USH2A: variants seen among roughly 807,000 people sequenced by gnomAD.
USH2A encodes usherin, also known as Usher syndrome 2A (autosomal recessive, mild).
A neutral mutation model predicts 538.9 loss-of-function variants in USH2A; 443 were observed. The ratio of observed to expected loss-of-function variants is 0.82; its 90% CI spans 0.76 to 0.89. The LOEUF (loss-of-function observed/expected upper bound fraction) is 0.89, where lower values mean the gene tolerates loss of function less well. Ranked by LOEUF, USH2A falls within the 40% of genes least tolerant of loss-of-function variation. USH2A has a pLI of 0.00. For missense variants in USH2A, 6,633 were observed against 6,324.8 expected (o/e 1.05, Z -1.65); for synonymous variants, 2,413 against 2,273.5 (o/e 1.06, Z -1.75).
rs41277214 is a variant in USH2A at position 216,048,708 on chromosome 1, T to C, written c.6050-61A>G. 1,652 of 1,335,646 alleles carry C rather than the reference T, an allele frequency of 1.2e-3. 2 individuals are homozygous for C. Among genetic ancestry groups the C allele is most frequent in the Non-Finnish European group, 1.5e-3 (1,409 of 925,852 alleles). 82.7% of individuals were successfully genotyped at this position (1,335,646 alleles called of 1,614,324 possible). On this transcript the variant is annotated intron_variant, in intron 30 of 71. Transcript: ENST00000307340. Reference sequence around the variant, plus strand: ...TACCATAAGCATCAATAAAGAGCATTGTGTGTATATCTGTGTGTGTGTCTA... The same window carrying C: ...TACCATAAGCATCAATAAAGAGCATCGTGTGTATATCTGTGTGTGTGTCTA...
At chr1:216,296,231 C>T (rs2037102080) in intron 9 of USH2A, among the ~76,000 whole-genome samples, 2 of 152,132 alleles carry the variant, frequency 1.3e-5, no homozygotes, top group East Asian at 1.9e-4. Flanking sequence ...AAAAATAATT[C>T]ACCCTTTTGG....
intron 9 of USH2A, among the ~76,000 whole-genome samples, chr1:216,317,194 C>T (rs1472758773): frequency 1.3e-5 from 2 of 152,080 alleles, no homozygotes; most frequent in Non-Finnish European, 2.9e-5. Flanking sequence ...TACCATTTGA[C>T]CCAGCAATCC....
Position 215,993,097 on chromosome 1 carries a change from C to G in USH2A, c.6728G>C (p.Gly2243Ala), listed in dbSNP as rs201526850. The change falls in exon 35 of 72, where the codon GGC (glycine) becomes GCC (alanine). Residue 2243 changes from glycine (G) to alanine (A), a missense_variant. By Grantham distance (60) the Gly-to-Ala change is moderately conservative. Coordinates refer to ENST00000307340, the MANE Select transcript of USH2A (RefSeq NM_206933.4). The stretch of plus-strand genomic sequence containing the variant: ...TGAGTGGGCTTTGGGGGCTGGCACG[C>G]CTTCGGGTATGTCCTCGTCAGTTAG... ...EALTDEDIPE[G>A]VPAPKAHSYS... 1 of 1,613,910 alleles carries G rather than the reference C, an allele frequency of 6.2e-7. No homozygotes were observed.
chr1:216,139,410 C>T (rs920847742), intron 21 of USH2A, among the ~76,000 whole-genome samples: 50 of 147,904 alleles, frequency 3.4e-4, no homozygotes, highest in African/African-American at 1.2e-3. Context: ...TTCTTCCCCT[C>T]TACAGAAAAA....
At chr1:216,239,693 T>C (rs2035896486) in intron 13 of USH2A, among the ~76,000 whole-genome samples, 1 of 152,076 alleles carries the variant, frequency 6.6e-6, no homozygotes, top group South Asian at 2.1e-4. Context: ...GGCTGTCTGT[T>C]GAGAAGTGAT....
chr1:216,009,852 A>G (rs1248563491), intron 32 of USH2A, among the ~76,000 whole-genome samples: 1 of 152,052 alleles, frequency 6.6e-6, no homozygotes, highest in Non-Finnish European at 1.5e-5. Flanking sequence ...AAAGGTGGCT[A>G]GAGCTAAAGG....
chr1:215,670,944 C>T (rs754194550), intron 64 of USH2A, 28 bp downstream of exon 64: 4 of 1,611,726 alleles, frequency 2.5e-6, no homozygotes, highest in South Asian at 1.1e-5. Flanking sequence ...ACAATCAGCT[C>T]GAATTGTTTA....
At chr1:215,848,912 C>T (rs184153222) in intron 44 of USH2A, among the ~76,000 whole-genome samples, 67 of 152,246 alleles carry the variant, frequency 4.4e-4, no homozygotes, top group Non-Finnish European at 4.4e-5. Context: ...ATGTACTCTT[C>T]CTAAGTCAGT....
intron 17 of USH2A, among the ~76,000 whole-genome samples, 191 bp downstream of exon 17, chr1:216,199,436 A>G (rs2034930015): frequency 6.6e-6 from 1 of 152,226 alleles, no homozygotes; most frequent in Non-Finnish European, 1.5e-5. Context: ...ATTTGTTATT[A>G]GATTAGAAGA....
Position 215,628,887 on chromosome 1 carries a change from A to G in USH2A, c.15446T>C (p.Met5149Thr), listed in dbSNP as rs1218414202. ...CAAGACTTTCTTGTCTTGAATGTCC[A>G]TGAGCTGGCTGACGCTGCGGTGAAG... Reference protein sequence around the residue: ...GSLHRSVSQLMDIQDKKVLMD... With the variant: ...GSLHRSVSQLTDIQDKKVLMD... The change falls in exon 71 of 72, where the codon ATG (methionine) becomes ACG (threonine). Residue 5149 changes from methionine (M) to threonine (T), a missense_variant. Transcript: ENST00000307340. 1 of 1,614,122 alleles carries G rather than the reference A, an allele frequency of 6.2e-7. No individual in the cohort carries two copies.
At chr1:215,649,853 A>G (rs185221095) in intron 65 of USH2A, among the ~76,000 whole-genome samples, 2 of 152,344 alleles carry the variant, frequency 1.3e-5, no homozygotes, top group East Asian at 1.9e-4. Flanking sequence ...GACACAAGCT[A>G]TACCACAGAG....
rs773525654 is a variant in USH2A at position 216,421,896 on chromosome 1, T to C, written c.441A>G (p.Ser147=). Residue 147 remains serine, a synonymous_variant, in exon 2 of 72, where the codon TCA becomes TCG. Coordinates refer to ENST00000307340, the MANE Select transcript of USH2A (RefSeq NM_206933.4). ...GTTTCAGCCATACAGCTAAGGTAAA[T>C]GATGCCATCAGCTTTGGAGAAGGAG... ...SSPPSPKLMA[S]FTLAVWLKPE... 3.7e-6 allele frequency: 6 copies of C among 1,613,838 alleles called. No individual in the cohort carries two copies. The highest frequency in any genetic ancestry group is 5.1e-6 in the Non-Finnish European group (6 of 1,179,912).
intron 4 of USH2A, among the ~76,000 whole-genome samples, chr1:216,334,656 T>C (rs1350746385): frequency 6.6e-6 from 1 of 151,792 alleles, no homozygotes; most frequent in Non-Finnish European, 1.5e-5. Flanking sequence ...ACGTAAACAA[T>C]AACCAAAAGA....
intron 11 of USH2A, among the ~76,000 whole-genome samples, chr1:216,285,805 A>T (rs2036872135): frequency 6.6e-6 from 1 of 152,210 alleles, no homozygotes; most frequent in South Asian, 2.1e-4. Context: ...TATGGAGTCA[A>T]AGGAGATCAT....
chr1:216,323,938 G>A (rs2037671578), intron 7 of USH2A, among the ~76,000 whole-genome samples: 1 of 152,048 alleles, frequency 6.6e-6, no homozygotes, highest in African/African-American at 2.4e-5. Flanking sequence ...CAAACAATCT[G>A]AAAATCAGAT....
intron 21 of USH2A, among the ~76,000 whole-genome samples, chr1:216,139,230 T>A (rs897867740): frequency 6.6e-5 from 10 of 152,100 alleles, no homozygotes; most frequent in African/African-American, 2.4e-4. Flanking sequence ...TCTGTCCATT[T>A]TTGTTTAGAA....
At chr1:216,308,018 T>C (rs914359654) in intron 9 of USH2A, among the ~76,000 whole-genome samples, 15 of 152,180 alleles carry the variant, frequency 9.9e-5, no homozygotes, top group African/African-American at 3.6e-4. Flanking sequence ...GCAGTAGTTC[T>C]TGGAGAAAAG....
At chr1:215,641,970 T>C (rs762282426) in intron 67 of USH2A, among the ~76,000 whole-genome samples, 1 of 152,218 alleles carries the variant, frequency 6.6e-6, no homozygotes, top group Admixed American at 6.5e-5. Flanking sequence ...AGGAATACTC[T>C]ATTGTTATTT....
intron 47 of USH2A, among the ~76,000 whole-genome samples, chr1:215,818,158 C>T (rs967919114): frequency 6.6e-6 from 1 of 151,816 alleles, no homozygotes; most frequent in African/African-American, 2.4e-5. Flanking sequence ...CAACAGTAGG[C>T]TATTAGTAGT....
Sources: allele counts gnomAD v4.1 joint callset (sites outside exome capture counted in the v4.1 genomes callset), GRCh38; gene constraint gnomAD v4.1.1; transcripts MANE v1.5; gene names NCBI Gene and HGNC (gene_info 2026-07-23, HGNC 2026-07-21).